PHC3: variants seen among roughly 807,000 people sequenced by gnomAD.
PHC3 encodes the protein polyhomeotic-like protein 3.
Under a neutral mutation model 107.4 loss-of-function variants are expected in PHC3, and 13 were observed. That is an observed-to-expected ratio of 0.12 (90% CI 0.08 to 0.19). PHC3 has a LOEUF of 0.19. PHC3 is among the 10% of genes least tolerant of loss of function. PHC3 has a pLI of 1.00. For synonymous variants in PHC3, 456 were observed against 427.4 expected, an observed-to-expected ratio of 1.07 and a Z score of -0.83; for missense variants, 992 against 1,210.9, an observed-to-expected ratio of 0.82 and a Z score of 2.68.
intron 7 of PHC3, among the ~76,000 whole-genome samples, chr3:170,134,365 T>C (rs1722729045): frequency 1.3e-5 from 2 of 152,132 alleles, no homozygotes; most frequent in South Asian, 4.2e-4. Flanking sequence ...AATTTTTGTA[T>C]TTTTAGTAGA....
At chr3:170,178,328 A>G (rs1419017794) in intron 2 of PHC3, among the ~76,000 whole-genome samples, 3 of 151,750 alleles carry the variant, frequency 2.0e-5, no homozygotes, top group African/African-American at 7.3e-5. Context: ...TATTTTTAGT[A>G]GAGACGGGGT....
At chr3:170,168,617 G>A (rs558407724) in intron 4 of PHC3, among the ~76,000 whole-genome samples, 40 of 151,870 alleles carry the variant, frequency 2.6e-4, no homozygotes, top group Middle Eastern at 6.8e-3. Context: ...AGCAGGGTGC[G>A]GTGGCGGGCG....
At position 170,092,407 on chromosome 3, in the gene PHC3, A is replaced by C. The variant is rs1469908091; in HGVS notation, c.*4823T>G. 6.6e-6 allele frequency: 1 copy of C among 152,240 alleles called. No individual in the cohort carries two copies. The highest frequency in any genetic ancestry group is 6.5e-5 in the Admixed American group (1 of 15,288). The allele number at this position is 152,240 out of a possible 1,614,324, so 9.4% of individuals were successfully genotyped here. ...TTGTGCTTATCTAAAGTGGATCACAATCTTTGAGATGAAATTAAATGCTCC... is the reference window on the plus strand; with the variant it reads ...TTGTGCTTATCTAAAGTGGATCACACTCTTTGAGATGAAATTAAATGCTCC... On this transcript the variant is annotated 3_prime_UTR_variant, in exon 15 of 15. Transcript: ENST00000495893.
chr3:170,109,058 A>G (rs369493248), intron 11 of PHC3, among the ~76,000 whole-genome samples: 20 of 152,334 alleles, frequency 1.3e-4, no homozygotes, highest in East Asian at 5.8e-4. Context: ...TCTAATGTTC[A>G]GTCAGATTTT....
chr3:170,129,070 G>T lies in PHC3; in HGVS notation c.1402C>A (p.Leu468Ile). The T allele has an allele frequency of 6.2e-7, 1 of 1,611,756 alleles. No individual in the cohort carries two copies. Among genetic ancestry groups the T allele is most frequent in the Non-Finnish European group, 8.5e-7 (1 of 1,178,800 alleles). The change falls in exon 8 of 15, where the codon CTT becomes ATT. Residue 468 changes from leucine to isoleucine, a missense_variant. Physicochemically the swap from Leu to Ile is conservative, Grantham distance 5 (BLOSUM62 2). Around this residue, in one of 6 missense-constraint regions of PHC3, gnomAD observed 543 missense variants for 590.8 expected, o/e 0.92. Coordinates refer to ENST00000495893, the MANE Select transcript of PHC3 (RefSeq NM_024947.4). ...ACAACAGGGGAAGCTGGAAGTGGAAGATGGGATGGAAGATTCAACTGTGCT... is the reference window on the plus strand; with the variant it reads ...ACAACAGGGGAAGCTGGAAGTGGAATATGGGATGGAAGATTCAACTGTGCT... ...ATAQLNLPSH[L>I]PLPASPVVHI...
chr3:170,179,265 T>C (rs1368329208), intron 1 of PHC3, among the ~76,000 whole-genome samples: 1 of 152,188 alleles, frequency 6.6e-6, no homozygotes, highest in South Asian at 2.1e-4. Context: ...CTAAACTACC[T>C]AGGAAAATAA....
rs1723738187 is a variant in PHC3, at chr3:170,139,800, A to AG, written c.673-3136dup. 2.0e-5 allele frequency among the ~76,000 whole-genome samples: 3 copies of AG among 152,332 alleles called. No individual in the cohort carries two copies. In the South Asian group the frequency reaches 6.2e-4, roughly 32 times the overall value. On this transcript the variant is annotated intron_variant, in intron 6 of 14. Coordinates refer to ENST00000495893, the MANE Select transcript of PHC3 (RefSeq NM_024947.4). ...AAAGTTAATTTAGCTGTTAGTGAAAAGATAACATATACGGATTTCCTTGAC... is the reference window on the plus strand; with the variant it reads ...AAAGTTAATTTAGCTGTTAGTGAAAAGGATAACATATACGGATTTCCTTGAC...
rs572441765 is a variant in PHC3, at chr3:170,097,743, T to G, written c.2834-359A>C. ...GTTTGGGTTAACTAGTTATACCTCA[T>G]GCACTTATCTCTGTATAATATATCC... On this transcript the variant is annotated intron_variant, in intron 14 of 14. Coordinates refer to ENST00000495893, the MANE Select transcript of PHC3 (RefSeq NM_024947.4). The surrounding 1 kb of genome is among the most constrained non-coding windows in gnomAD (Gnocchi z 4.1). Among the ~76,000 whole-genome samples, 5 of 152,314 alleles carry G rather than the reference T, an allele frequency of 3.3e-5. No homozygotes were observed. The East Asian group carries it at 7.7e-4, about 23-fold the overall frequency.
At chr3:170,161,583 T>C (rs1336472186) in intron 4 of PHC3, among the ~76,000 whole-genome samples, 1 of 152,214 alleles carries the variant, frequency 6.6e-6, no homozygotes, top group Non-Finnish European at 1.5e-5. Flanking sequence ...GCTCAGGCGA[T>C]AATGCTTGCT....
chr3:170,149,079 A>G lies in PHC3; in HGVS notation c.573+7T>C. 2 of 1,611,332 alleles carry G rather than the reference A, an allele frequency of 1.2e-6. No individual in the cohort carries two copies. The highest frequency in any genetic ancestry group is 2.7e-5 in the African/African-American group (2 of 75,030). ...ACACTGAAAAAATTTGGTAGCTCAT[A>G]TCTTACCATTTGAGCTCGGAGATAC... is the stretch of plus-strand genomic sequence containing the variant. On this transcript the variant is annotated splice_region_variant and intron_variant, in intron 5 of 14. Coordinates refer to ENST00000495893, the MANE Select transcript of PHC3 (RefSeq NM_024947.4).
intron 12 of PHC3, among the ~76,000 whole-genome samples, chr3:170,103,864 G>C (rs1438766625): frequency 6.6e-6 from 1 of 152,066 alleles, no homozygotes; most frequent in African/African-American, 2.4e-5. Context: ...CCAGTAAATG[G>C]CAAGACCAGT....
chr3:170,121,466 C>T (rs1038657136), intron 9 of PHC3, among the ~76,000 whole-genome samples: 2 of 152,090 alleles, frequency 1.3e-5, no homozygotes, highest in African/African-American at 2.4e-5. Flanking sequence ...GAGGCACATA[C>T]GGGATATTTG....
intron 2 of PHC3, among the ~76,000 whole-genome samples, chr3:170,174,740 A>C (rs1730145457): frequency 6.6e-6 from 1 of 152,180 alleles, no homozygotes; most frequent in Non-Finnish European, 1.5e-5. Context: ...CACCTCTCCA[A>C]CTATAGACTA....
chr3:170,138,890 G>A (rs1723590968), intron 6 of PHC3, among the ~76,000 whole-genome samples: 1 of 151,778 alleles, frequency 6.6e-6, no homozygotes, highest in Non-Finnish European at 1.5e-5. Flanking sequence ...TCCTTCATTT[G>A]GAGCTCTTAT....
chr3:170,115,809 A>T (rs533132389), intron 10 of PHC3, among the ~76,000 whole-genome samples: 18 of 152,032 alleles, frequency 1.2e-4, no homozygotes, highest in Non-Finnish European at 2.6e-4. Flanking sequence ...GTCAGTATGG[A>T]GCAGACAGGG....
chr3:170,117,549 G>A, intron 9 of PHC3, 73 bp from the exon 10 acceptor site: 4 of 1,445,496 alleles, frequency 2.8e-6, no homozygotes, highest in South Asian at 1.4e-5. Flanking sequence ...GAGAATTAAG[G>A]AATAAATAAT....
intron 14 of PHC3, among the ~76,000 whole-genome samples, chr3:170,101,699 G>A (rs1185325273): frequency 1.3e-5 from 2 of 152,118 alleles, no homozygotes; most frequent in East Asian, 3.8e-4. Flanking sequence ...TATAACTAGT[G>A]TGGGTCTCAT....
At chr3:170,102,302 A>G (rs1021687463) in intron 14 of PHC3, 177 bp downstream of exon 14, 1 of 985,474 alleles carries the variant, frequency 1.0e-6, no homozygotes. Context: ...AATACCCAGT[A>G]GTGCTGAGGG....
intron 4 of PHC3, among the ~76,000 whole-genome samples, chr3:170,157,121 G>A (rs546311403): frequency 6.6e-6 from 1 of 152,272 alleles, no homozygotes; most frequent in East Asian, 1.9e-4. Context: ...CAACAGCGAT[G>A]GTTATATAAA....
Sources: allele counts gnomAD v4.1 joint callset (sites outside exome capture counted in the v4.1 genomes callset), GRCh38; gene constraint gnomAD v4.1.1; regional missense constraint gnomAD v4.1.1; non-coding constraint Gnocchi (gnomAD v3.1); transcripts MANE v1.5; gene names NCBI Gene and HGNC (gene_info 2026-07-23, HGNC 2026-07-21).